The following UBE2E2 variants were observed in gnomAD, a reference collection of about 807,000 sequenced individuals.
UBE2E2 encodes ubiquitin conjugating enzyme E2 E2, also known as ubiquitin-conjugating enzyme E2 E2.
In UBE2E2, 6 loss-of-function variants were observed where a neutral mutation model predicts 24.7. The observed-to-expected ratio is 0.24, with a 90% CI of 0.13 to 0.48. UBE2E2 has a LOEUF of 0.48. Ranked by LOEUF, UBE2E2 falls within the 20% of genes least tolerant of loss-of-function variation. UBE2E2 has a pLI of 0.99. For missense variants in UBE2E2, 169 were observed against 245.0 expected, an observed-to-expected ratio of 0.69 and a Z score of 2.07; for synonymous variants, 104 against 83.6, an observed-to-expected ratio of 1.24 and a Z score of -1.33.
intron 3 of UBE2E2, among the ~76,000 whole-genome samples, chr3:23,300,213 C>T (rs1699032033): frequency 6.6e-6 from 1 of 152,060 alleles, no homozygotes; most frequent in Non-Finnish European, 1.5e-5. Flanking sequence ...ATACAGCACA[C>T]TGGTGGGTCT....
intron 3 of UBE2E2, among the ~76,000 whole-genome samples, chr3:23,302,473 T>C (rs1282309653): frequency 6.6e-6 from 1 of 152,188 alleles, no homozygotes; most frequent in Non-Finnish European, 1.5e-5. Context: ...ACAGCTGAGT[T>C]CCATGCTTTT....
At chr3:23,303,212 G>A (rs945722455) in intron 3 of UBE2E2, among the ~76,000 whole-genome samples, 1 of 151,998 alleles carries the variant, frequency 6.6e-6, no homozygotes, top group Admixed American at 6.6e-5. Context: ...CCCAGATGGG[G>A]ACCATCTAGT....
At chr3:23,450,875 T>C (rs948019449) in intron 3 of UBE2E2, among the ~76,000 whole-genome samples, 1 of 152,208 alleles carries the variant, frequency 6.6e-6, no homozygotes, top group African/African-American at 2.4e-5. Context: ...AATTATAATA[T>C]GGTATTTACA....
intron 3 of UBE2E2, among the ~76,000 whole-genome samples, chr3:23,220,455 A>C (rs990967400): frequency 2.0e-5 from 3 of 152,226 alleles, no homozygotes; most frequent in Non-Finnish European, 4.4e-5. Flanking sequence ...TGCTCATAAA[A>C]TCGTAGCGTC....
intron 3 of UBE2E2, among the ~76,000 whole-genome samples, chr3:23,220,342 A>G (rs1353247955): frequency 6.6e-6 from 1 of 152,192 alleles, no homozygotes; most frequent in East Asian, 1.9e-4. Flanking sequence ...AGATAGTTTT[A>G]TTTTTGAAGT....
chr3:23,560,506 G>A (rs542094709), intron 5 of UBE2E2, among the ~76,000 whole-genome samples: 2 of 152,100 alleles, frequency 1.3e-5, no homozygotes, highest in African/African-American at 2.4e-5. Flanking sequence ...TTGCTGTTGT[G>A]AGTAGTGCCA....
At chr3:23,209,227 T>G (rs1696246659) in intron 2 of UBE2E2, among the ~76,000 whole-genome samples, 1 of 152,188 alleles carries the variant, frequency 6.6e-6, no homozygotes, top group Non-Finnish European at 1.5e-5. Context: ...GAATAGAGAT[T>G]AGGAATCTTT....
At chr3:23,254,801 A>G (rs995527627) in intron 3 of UBE2E2, among the ~76,000 whole-genome samples, 1 of 152,146 alleles carries the variant, frequency 6.6e-6, no homozygotes, top group Non-Finnish European at 1.5e-5. Context: ...GAGAGAATGG[A>G]TGTGAGGGGA....
At chr3:23,379,579 A>C (rs1182369381) in intron 3 of UBE2E2, among the ~76,000 whole-genome samples, 1 of 150,904 alleles carries the variant, frequency 6.6e-6, no homozygotes, top group Admixed American at 6.6e-5. Context: ...TGAACTCATC[A>C]TTTTTTATGG....
intron 4 of UBE2E2, among the ~76,000 whole-genome samples, chr3:23,521,251 A>G (rs4399836): frequency 0.32 from 48,945 of 152,070 alleles, 8,250 homozygotes; most frequent in East Asian, 0.49. Context: ...AAAAAATGTA[A>G]AGAAAAGAAA....
At chr3:23,333,909 A>G (rs1559351255) in intron 3 of UBE2E2, among the ~76,000 whole-genome samples, 1 of 152,224 alleles carries the variant, frequency 6.6e-6, no homozygotes, top group Non-Finnish European at 1.5e-5. Context: ...AGTAAATACT[A>G]GAATCTGATA....
chr3:23,503,786 G>A (rs944424694), intron 4 of UBE2E2, among the ~76,000 whole-genome samples: 14 of 151,994 alleles, frequency 9.2e-5, no homozygotes, highest in East Asian at 5.9e-4. Flanking sequence ...CCCAGGAGAC[G>A]AGGCTGCAGT....
chr3:23,435,741 A>G (rs1698162716), intron 3 of UBE2E2, among the ~76,000 whole-genome samples: 1 of 152,228 alleles, frequency 6.6e-6, no homozygotes, highest in South Asian at 2.1e-4. Context: ...TTCAAGGATA[A>G]GGAAGAACTG....
intron 5 of UBE2E2, among the ~76,000 whole-genome samples, chr3:23,569,390 T>C (rs1179740652): frequency 6.6e-6 from 1 of 152,212 alleles, no homozygotes; most frequent in Non-Finnish European, 1.5e-5. Context: ...AAAAATATTC[T>C]AAAATGGATT....
Position 23,213,150 on chromosome 3 carries a change from T to C in UBE2E2, c.177-4112T>C, listed in dbSNP as rs556574066. ...TTTAAAAAAATTCCTGCTAAGAAAT[T>C]ACTTTGCGAATCTGCGTATCCACAC... is the stretch of plus-strand genomic sequence containing the variant. On this transcript the variant is annotated intron_variant, in intron 2 of 5. Coordinates refer to ENST00000396703, the MANE Select transcript of UBE2E2 (RefSeq NM_152653.4). Among the ~76,000 whole-genome samples the C allele has an allele frequency of 2.0e-5, 3 of 152,244 alleles. No individual in the cohort carries two copies. The South Asian group carries it at 6.2e-4, about 32-fold the overall frequency.
intron 4 of UBE2E2, among the ~76,000 whole-genome samples, chr3:23,504,747 A>G (rs1156258163): frequency 1.3e-5 from 2 of 151,984 alleles, no homozygotes; most frequent in Admixed American, 1.3e-4. Flanking sequence ...TGAATAATAT[A>G]AAAAACATTT....
intron 3 of UBE2E2, among the ~76,000 whole-genome samples, chr3:23,406,507 G>A (rs1002312586): frequency 1.3e-5 from 2 of 152,130 alleles, no homozygotes; most frequent in Non-Finnish European, 2.9e-5. Flanking sequence ...GTAAGTAGTA[G>A]TTTTTAATAT....
chr3:23,251,646 C>A (rs189831151), intron 3 of UBE2E2, among the ~76,000 whole-genome samples: 1 of 152,258 alleles, frequency 6.6e-6, no homozygotes, highest in East Asian at 1.9e-4. Flanking sequence ...TAAAGTGATT[C>A]ATTATTAACT....
At chr3:23,245,152 T>A (rs1197575580) in intron 3 of UBE2E2, among the ~76,000 whole-genome samples, 1 of 152,066 alleles carries the variant, frequency 6.6e-6, no homozygotes, top group African/African-American at 2.4e-5. Context: ...AGTGGAAAGA[T>A]GTTGAGATTG....
Sources: gnomAD v4.1 joint callset for allele counts (sites outside exome capture counted in the v4.1 genomes callset) on GRCh38, gnomAD v4.1.1 for gene constraint, MANE v1.5 for transcripts, NCBI Gene and HGNC (gene_info 2026-07-23, HGNC 2026-07-21) for gene names.